The following TVP23B variants were observed in gnomAD, a reference collection of about 807,000 sequenced individuals.
The protein encoded by TVP23B is Golgi apparatus membrane protein TVP23 homolog B.
Under a neutral mutation model 30.6 loss-of-function variants are expected in TVP23B, and 10 were observed. That is an observed-to-expected ratio of 0.33 (90% CI 0.20 to 0.55). TVP23B has a LOEUF of 0.55. Among genes scored for constraint, TVP23B ranks in the 20% least tolerant of loss-of-function variants. The pLI is 0.91. For missense variants in TVP23B, 153 were observed against 243.2 expected, an observed-to-expected ratio of 0.63 and a Z score of 2.47; for synonymous variants, 67 against 83.1, an observed-to-expected ratio of 0.81 and a Z score of 1.06.
rs1210104928 is a variant in TVP23B, at chr17:18,794,504, G to A, written c.241-3075G>A. Among the ~76,000 whole-genome samples, 9 of 152,194 alleles carry A rather than the reference G, an allele frequency of 5.9e-5. No homozygotes were observed. In the East Asian group the frequency reaches 1.7e-3, roughly 29 times the overall value. On this transcript the variant is annotated intron_variant, in intron 3 of 6. Transcript: ENST00000307767. ...GTGATCATTTACAGTTAAACTTTCT[G>A]AATATGTCAAAAACTGAATTCAGAG...
intron 1 of TVP23B, among the ~76,000 whole-genome samples, chr17:18,786,586 T>C (rs528175079): frequency 9.8e-5 from 15 of 152,394 alleles, no homozygotes; most frequent in Admixed American, 1.3e-4. Context: ...CTGTACGTTA[T>C]GATCACACCT....
chr17:18,782,613 G>A (rs1407219354), intron 1 of TVP23B: 1 of 152,270 alleles, frequency 6.6e-6, no homozygotes, highest in African/African-American at 2.4e-5. Flanking sequence ...CTACTCCATA[G>A]AGCAACCTGG....
intron 1 of TVP23B, 50 bp from the exon 2 acceptor site, chr17:18,789,303 G>A: frequency 1.2e-6 from 2 of 1,612,640 alleles, no homozygotes; most frequent in Non-Finnish European, 1.7e-6. Context: ...CAGTGGCTGT[G>A]TAAACACTGA....
At chr17:18,789,755 A>G (rs2035963620) in intron 2 of TVP23B, 1 of 220,120 alleles carries the variant, frequency 4.5e-6, no homozygotes. Context: ...TTTATTGTGC[A>G]CATTTCAAAA....
chr17:18,802,839 T>C (rs568049425), intron 5 of TVP23B, among the ~76,000 whole-genome samples: 2 of 152,178 alleles, frequency 1.3e-5, no homozygotes, highest in South Asian at 4.1e-4. Flanking sequence ...CATGTTGATA[T>C]ATACATACCC....
At chr17:18,788,593 C>T (rs1352648941) in intron 1 of TVP23B, among the ~76,000 whole-genome samples, 1 of 151,488 alleles carries the variant, frequency 6.6e-6, no homozygotes, top group Non-Finnish European at 1.5e-5. Context: ...ACCAGCCTGG[C>T]CAACATGGTG....
intron 5 of TVP23B, among the ~76,000 whole-genome samples, chr17:18,799,918 A>G (rs2036133250): frequency 6.6e-6 from 1 of 150,702 alleles, no homozygotes; most frequent in African/African-American, 2.4e-5. Context: ...CCTTCTTTGG[A>G]TTTGGAAGCT....
intron 1 of TVP23B, among the ~76,000 whole-genome samples, chr17:18,783,552 CCTCT>C (rs562280141): frequency 6.6e-6 from 1 of 152,210 alleles, no homozygotes; most frequent in East Asian, 1.9e-4. Flanking sequence ...CTTCTCTTAT[CCTCT>C]CTCAGCTGGT....
Position 18,805,648 on chromosome 17 carries a change from G to T in TVP23B, c.*81G>T. On this transcript the variant is annotated 3_prime_UTR_variant, in exon 7 of 7. Transcript: ENST00000307767. Reference sequence around the variant, plus strand: ...CTCAACCTTTTAGAGCTTAGTCCATGTTGCAACGAGGAGTGTTGGCTTTGT... The same window carrying T: ...CTCAACCTTTTAGAGCTTAGTCCATTTTGCAACGAGGAGTGTTGGCTTTGT... The T allele has an allele frequency of 6.5e-7, 1 of 1,528,910 alleles. No homozygotes were observed. Among genetic ancestry groups the T allele is most frequent in the Non-Finnish European group, 8.8e-7 (1 of 1,141,108 alleles). 94.7% of individuals were successfully genotyped at this position (1,528,910 alleles called of 1,614,324 possible).
intron 3 of TVP23B, among the ~76,000 whole-genome samples, chr17:18,794,768 C>G (rs1193628148): frequency 7.2e-6 from 1 of 139,548 alleles, no homozygotes; most frequent in Non-Finnish European, 1.5e-5. Flanking sequence ...GTCTCCCTTG[C>G]CAGCTCTTTT....
intron 4 of TVP23B, among the ~76,000 whole-genome samples, 153 bp from the exon 5 acceptor site, chr17:18,798,659 G>A (rs1332808944): frequency 3.3e-5 from 5 of 152,158 alleles, no homozygotes; most frequent in African/African-American, 9.7e-5. Context: ...AAAATTACAA[G>A]AGTGATAGTC....
At chr17:18,788,562 A>T (rs552928143) in intron 1 of TVP23B, among the ~76,000 whole-genome samples, 1 of 152,030 alleles carries the variant, frequency 6.6e-6, no homozygotes, top group African/African-American at 2.4e-5. Context: ...CGGACAGATC[A>T]CCTGAGGTCA....
chr17:18,789,502 A>G, intron 2 of TVP23B, 67 bp downstream of exon 2: 3 of 1,599,166 alleles, frequency 1.9e-6, no homozygotes, highest in Non-Finnish European at 2.6e-6. Flanking sequence ...TGTCAGTGCT[A>G]GCTGATGGGA....
At chr17:18,805,368 G>A (rs2036233259) in intron 6 of TVP23B, among the ~76,000 whole-genome samples, 173 bp from the exon 7 acceptor site, 1 of 152,244 alleles carries the variant, frequency 6.6e-6, no homozygotes, top group South Asian at 2.1e-4. Context: ...ACAGGTGTAA[G>A]CCACGGCGCC....
At position 18,806,294 on chromosome 17, in the gene TVP23B, C is replaced by G. The variant is rs2036249848; in HGVS notation, c.*727C>G. 1 of 963,094 alleles carries G rather than the reference C, an allele frequency of 1.0e-6. No individual in the cohort carries two copies. The highest frequency in any genetic ancestry group is 1.8e-5 in the African/African-American group (1 of 56,724). The allele number at this position is 963,094 out of a possible 1,614,324, so 59.7% of individuals were successfully genotyped here. On this transcript the variant is annotated 3_prime_UTR_variant, in exon 7 of 7. Coordinates refer to ENST00000307767, the MANE Select transcript of TVP23B (RefSeq NM_016078.6). ...CTAGATTGAAAGCTCTTCAGTGGAC[C>G]TTGAGCTAATAGATCTTTTACCACT... is the stretch of plus-strand genomic sequence containing the variant.
At chr17:18,791,370 A>C (rs1375348203) in intron 3 of TVP23B, among the ~76,000 whole-genome samples, 1 of 140,376 alleles carries the variant, frequency 7.1e-6, no homozygotes. Flanking sequence ...AATCCATACC[A>C]TGGGTTTTGC....
At chr17:18,790,174 CAAG>C (rs1258532557) in intron 2 of TVP23B, among the ~76,000 whole-genome samples, 1 of 152,066 alleles carries the variant, frequency 6.6e-6, no homozygotes, top group Non-Finnish European at 1.5e-5. Flanking sequence ...TATTAAAAAA[CAAG>C]AAACAGGCTG....
intron 5 of TVP23B, 171 bp downstream of exon 5, chr17:18,799,114 G>T: frequency 1.7e-6 from 1 of 581,756 alleles, no homozygotes; most frequent in Middle Eastern, 5.0e-4. Context: ...TATAATACTG[G>T]AGAAGAGATC....
intron 5 of TVP23B, among the ~76,000 whole-genome samples, chr17:18,801,431 AT>A (rs754945189): frequency 3.3e-5 from 5 of 152,058 alleles, no homozygotes; most frequent in Middle Eastern, 6.8e-3. Context: ...GTGCGGGTGA[AT>A]CCCCCTTGAC....
Sources: allele counts gnomAD v4.1 joint callset (sites outside exome capture counted in the v4.1 genomes callset), GRCh38; gene constraint gnomAD v4.1.1; transcripts MANE v1.5; gene names NCBI Gene and HGNC (gene_info 2026-07-23, HGNC 2026-07-21).